The following NFATC1 variants were observed in gnomAD, a reference collection of about 807,000 sequenced individuals.
NFATC1 encodes the protein nuclear factor of activated T-cells, cytoplasmic 1.
A neutral mutation model predicts 76.0 loss-of-function variants in NFATC1; 22 were observed. The observed-to-expected ratio is 0.29, with a 90% CI of 0.21 to 0.41. The LOEUF is 0.41. Among genes scored for constraint, NFATC1 ranks in the 10% least tolerant of loss-of-function variants. The pLI is 1.00. For synonymous variants in NFATC1, 704 were observed against 613.1 expected (o/e 1.15, Z -2.19); for missense variants, 1,357 against 1,337.7 (o/e 1.01, Z -0.23).
chr18:79,433,144 C>T (rs1049294417), intron 2 of NFATC1, among the ~76,000 whole-genome samples: 1 of 152,202 alleles, frequency 6.6e-6, no homozygotes, highest in Non-Finnish European at 1.5e-5. Context: ...CTTCCAAACC[C>T]ACTATTTTAT....
chr18:79,447,355 G>A (rs1399482641), intron 3 of NFATC1, among the ~76,000 whole-genome samples: 2 of 152,264 alleles, frequency 1.3e-5, no homozygotes, highest in Non-Finnish European at 2.9e-5. Context: ...AGGGGCAGGC[G>A]TCGCATTTTC....
chr18:79,474,679 T>C (rs1409972097), intron 8 of NFATC1, among the ~76,000 whole-genome samples: 2 of 142,346 alleles, frequency 1.4e-5, no homozygotes, highest in Non-Finnish European at 3.0e-5. Context: ...GGAAGCGTGT[T>C]CTCACACTCA....
intron 3 of NFATC1, among the ~76,000 whole-genome samples, chr18:79,435,241 C>A (rs949732935): frequency 1.3e-5 from 2 of 152,004 alleles, no homozygotes; most frequent in Non-Finnish European, 2.9e-5. Context: ...TTCACTGTAT[C>A]TGGATGAGGG....
chr18:79,467,687 A>G (rs758032154), intron 8 of NFATC1, 105 bp downstream of exon 8: 29 of 1,533,714 alleles, frequency 1.9e-5, no homozygotes, highest in African/African-American at 2.8e-5. Context: ...CGTGTTGCAC[A>G]TTTAACTGTG....
chr18:79,482,053 C>T (rs1298609884), intron 8 of NFATC1, among the ~76,000 whole-genome samples: 1 of 144,390 alleles, frequency 6.9e-6, no homozygotes, highest in East Asian at 2.1e-4. Context: ...TGAGCTGTTT[C>T]CTGGGGTGTC....
chr18:79,479,934 A>G (rs951723002), intron 8 of NFATC1, among the ~76,000 whole-genome samples: 1 of 152,230 alleles, frequency 6.6e-6, no homozygotes, highest in African/African-American at 2.4e-5. Flanking sequence ...CCATCCGGCC[A>G]ACCCCAGACT....
intron 1 of NFATC1, chr18:79,400,215 CG>C: frequency 8.4e-7 from 1 of 1,188,914 alleles, no homozygotes; most frequent in Non-Finnish European, 1.0e-6. Flanking sequence ...CGGAAGCCGG[CG>C]GCCGCGAGCC....
At chr18:79,501,602 ACCCCACCCCCCCT>A (rs2090016417) in intron 9 of NFATC1, among the ~76,000 whole-genome samples, 1 of 114,718 alleles carries the variant, frequency 8.7e-6, no homozygotes, top group Non-Finnish European at 1.9e-5. Flanking sequence ...ATCTGCCTAC[ACCCCACCCCCCCT>A]CCCCCCGCCA....
chr18:79,448,717 G>T (rs541589911), intron 3 of NFATC1, 65 bp from the exon 4 acceptor site: 4 of 1,541,700 alleles, frequency 2.6e-6, no homozygotes, highest in Non-Finnish European at 3.5e-6. Flanking sequence ...TTTTCTCTGC[G>T]TTCCGGTGAC....
intron 2 of NFATC1, among the ~76,000 whole-genome samples, chr18:79,418,333 C>T (rs2085949909): frequency 6.6e-6 from 1 of 152,202 alleles, no homozygotes; most frequent in South Asian, 2.1e-4. Flanking sequence ...GTGGCCTAGT[C>T]ACAACCAACA....
chr18:79,482,366 GTGTGA>G, intron 8 of NFATC1, among the ~76,000 whole-genome samples: 10 of 133,130 alleles, frequency 7.5e-5, no homozygotes, highest in African/African-American at 2.3e-4. Flanking sequence ...TGTCATTCCA[GTGTGA>G]CGTGGTCCTG....
At chr18:79,478,967 A>G (rs1401728252) in intron 8 of NFATC1, among the ~76,000 whole-genome samples, 9 of 152,194 alleles carry the variant, frequency 5.9e-5, no homozygotes, top group Non-Finnish European at 1.3e-4. Context: ...CGCCGCCTCC[A>G]CAGACAGTCC....
chr18:79,396,862 G>A (rs1322084667), intron 1 of NFATC1, among the ~76,000 whole-genome samples: 1 of 151,904 alleles, frequency 6.6e-6, no homozygotes, highest in Non-Finnish European at 1.5e-5. Context: ...AATTCCCCAG[G>A]GCCGAGCCCG....
At chr18:79,490,341 G>A (rs557980148) in intron 9 of NFATC1, among the ~76,000 whole-genome samples, 3 of 150,068 alleles carry the variant, frequency 2.0e-5, no homozygotes, top group African/African-American at 4.9e-5. Flanking sequence ...TCAGGCTCTC[G>A]GTCATGGTGG....
chr18:79,476,336 G>A (rs1004836361), intron 8 of NFATC1, among the ~76,000 whole-genome samples: 9 of 152,278 alleles, frequency 5.9e-5, no homozygotes, highest in South Asian at 2.1e-4. Flanking sequence ...GCCTGGGAGC[G>A]TGAGTCACGC....
chr18:79,488,288 G>A (rs567220604), intron 9 of NFATC1, among the ~76,000 whole-genome samples: 5 of 126,588 alleles, frequency 3.9e-5, no homozygotes, highest in Admixed American at 7.2e-5. Context: ...CATGGAGCCC[G>A]CAGCCCTGGT....
intron 8 of NFATC1, among the ~76,000 whole-genome samples, chr18:79,476,279 G>A (rs7408082): frequency 0.4 from 61,419 of 152,100 alleles, 13,413 homozygotes; most frequent in Middle Eastern, 0.62. Flanking sequence ...CTGCCCCACC[G>A]TGGCTCTGTG....
intron 2 of NFATC1, 29 bp downstream of exon 2, chr18:79,411,530 G>C (rs780262289): frequency 7.2e-7 from 1 of 1,391,978 alleles, no homozygotes; most frequent in Non-Finnish European, 9.3e-7. Flanking sequence ...GCGGGACGGG[G>C]AGGCGAGGGG....
intron 8 of NFATC1, among the ~76,000 whole-genome samples, chr18:79,477,117 G>A (rs1353921119): frequency 1.3e-5 from 2 of 152,184 alleles, no homozygotes; most frequent in Non-Finnish European, 2.9e-5. Flanking sequence ...AGCCTCGAGG[G>A]ATGGGTGATA....
Sources: allele counts gnomAD v4.1 joint callset (sites outside exome capture counted in the v4.1 genomes callset), GRCh38; gene constraint gnomAD v4.1.1; transcripts MANE v1.5; gene names NCBI Gene and HGNC (gene_info 2026-07-23, HGNC 2026-07-21).